The following SUGCT variants were observed in gnomAD, a reference collection of about 807,000 sequenced individuals.
SUGCT encodes the protein succinyl-CoA:glutarate-CoA transferase.
Under a neutral mutation model 55.0 loss-of-function variants are expected in SUGCT, and 41 were observed. That is an observed-to-expected ratio of 0.74 (90% CI 0.58 to 0.97). SUGCT has a LOEUF of 0.97. Among genes scored for constraint, SUGCT ranks in the 50% least tolerant of loss-of-function variants. The pLI, the probability that SUGCT is intolerant of heterozygous loss-of-function variation, is 0.00. For synonymous variants in SUGCT, 187 were observed against 200.4 expected, an observed-to-expected ratio of 0.93 and a Z score of 0.56; for missense variants, 568 against 547.8, an observed-to-expected ratio of 1.04 and a Z score of -0.37.
At position 40,289,014 on chromosome 7, in the gene SUGCT, T is replaced by G. The variant is rs935347311; in HGVS notation, c.720+14358T>G. Among the ~76,000 whole-genome samples the G allele has an allele frequency of 5.9e-5, 9 of 152,208 alleles. No individual in the cohort carries two copies. The East Asian group carries it at 1.7e-3, about 29-fold the overall frequency. ...TCATGTTGAAAGTGAAAAATAATGTTTAACCACTACTATGTCTCTTTCCTC... is the reference window on the plus strand; with the variant it reads ...TCATGTTGAAAGTGAAAAATAATGTGTAACCACTACTATGTCTCTTTCCTC... On this transcript the variant is annotated intron_variant, in intron 8 of 13. Transcript: ENST00000335693.
At chr7:40,216,229 T>TGGTA (rs1202420843) in intron 6 of SUGCT, among the ~76,000 whole-genome samples, 1 of 151,690 alleles carries the variant, frequency 6.6e-6, no homozygotes, top group African/African-American at 2.4e-5. Flanking sequence ...GGGCTGGGCG[T>TGGTA]GGTAGCTCAC....
the SUGCT span, among the ~76,000 whole-genome samples, chr7:40,871,474 C>A: frequency 2.0e-5 from 3 of 152,262 alleles, no homozygotes; most frequent in South Asian, 6.2e-4. Context: ...ATGAGTGACC[C>A]CAGCCAGTGC....
intron 8 of SUGCT, among the ~76,000 whole-genome samples, chr7:40,294,010 C>T (rs1455273590): frequency 6.6e-6 from 1 of 151,906 alleles, no homozygotes; most frequent in Non-Finnish European, 1.5e-5. Flanking sequence ...TGCAGTGGCA[C>T]AATCTTGGTT....
Position 40,249,795 on chromosome 7 carries a change from G to T in SUGCT, c.576+12069G>T, listed in dbSNP as rs563325710. On this transcript the variant is annotated intron_variant, in intron 7 of 13. Coordinates refer to ENST00000335693, the MANE Select transcript of SUGCT (RefSeq NM_001193313.2). ...TATACTTTATTTTAATTGACTTTTT[G>T]TGTGTGTGTGTGACAGAGTCTCACT... is the stretch of plus-strand genomic sequence containing the variant. Among the ~76,000 whole-genome samples, 28 of 151,760 alleles carry T rather than the reference G, an allele frequency of 1.8e-4. No individual in the cohort carries two copies. The East Asian group carries it at 4.1e-3, about 22-fold the overall frequency.
intron 9 of SUGCT, among the ~76,000 whole-genome samples, chr7:40,376,166 G>A (rs1052610676): frequency 1.3e-5 from 2 of 152,112 alleles, no homozygotes. Context: ...GACAGAAAAA[G>A]CTATGAAGGG....
intron 12 of SUGCT, among the ~76,000 whole-genome samples, chr7:40,692,063 G>A (rs1784723903): frequency 6.6e-6 from 1 of 152,126 alleles, no homozygotes; most frequent in Admixed American, 6.5e-5. Flanking sequence ...CTGTTTCGCT[G>A]TATCACCTCT....
chr7:40,901,614 C>T, the SUGCT span, among the ~76,000 whole-genome samples: 1 of 152,122 alleles, frequency 6.6e-6, no homozygotes, highest in Admixed American at 6.6e-5. Context: ...GATCACAGAG[C>T]ACTGTTCAGG....
chr7:40,618,664 T>G (rs1562903980), intron 12 of SUGCT, among the ~76,000 whole-genome samples: 1 of 152,214 alleles, frequency 6.6e-6, no homozygotes, highest in Non-Finnish European at 1.5e-5. Flanking sequence ...ATTTATTATT[T>G]ATTTGTATAG....
intron 11 of SUGCT, among the ~76,000 whole-genome samples, chr7:40,481,012 T>G (rs1423044613): frequency 2.6e-5 from 4 of 152,070 alleles, no homozygotes; most frequent in African/African-American, 9.7e-5. Flanking sequence ...GGCAGCATAA[T>G]CAACATTTTT....
At chr7:40,165,041 A>C (rs1784355765) in intron 1 of SUGCT, among the ~76,000 whole-genome samples, 1 of 152,216 alleles carries the variant, frequency 6.6e-6, no homozygotes, top group Non-Finnish European at 1.5e-5. Context: ...AGGAAACATC[A>C]TGCTAACTAT....
intron 9 of SUGCT, among the ~76,000 whole-genome samples, chr7:40,449,023 A>G (rs528813747): frequency 4.6e-5 from 7 of 151,918 alleles, no homozygotes; most frequent in African/African-American, 1.7e-4. Flanking sequence ...GATGATGGAA[A>G]TATTCCGTCT....
At chr7:40,618,970 G>A (rs1799138900) in intron 12 of SUGCT, among the ~76,000 whole-genome samples, 1 of 152,124 alleles carries the variant, frequency 6.6e-6, no homozygotes. Flanking sequence ...CTCCTAATTA[G>A]AGCCATCCGA....
intron 7 of SUGCT, among the ~76,000 whole-genome samples, chr7:40,244,898 T>C (rs1789714517): frequency 6.6e-6 from 1 of 152,152 alleles, no homozygotes; most frequent in South Asian, 2.1e-4. Context: ...GTCTTTTTCC[T>C]TGAGTGTCTA....
At chr7:40,601,917 G>T (rs777856805) in intron 12 of SUGCT, among the ~76,000 whole-genome samples, 22 of 152,026 alleles carry the variant, frequency 1.4e-4, no homozygotes, top group Non-Finnish European at 2.4e-4. Flanking sequence ...ATCTAAAAAA[G>T]GATTGCCCTT....
At chr7:40,674,121 G>C (rs1471281185) in intron 12 of SUGCT, among the ~76,000 whole-genome samples, 1 of 152,094 alleles carries the variant, frequency 6.6e-6, no homozygotes, top group Non-Finnish European at 1.5e-5. Context: ...TCCATTCTTT[G>C]GTTTTTTCAA....
chr7:40,824,915 A>C (rs537262879), intron 13 of SUGCT, among the ~76,000 whole-genome samples: 1 of 152,348 alleles, frequency 6.6e-6, no homozygotes, highest in African/African-American at 2.4e-5. Context: ...AAATATCAGC[A>C]TGAGTTTTAG....
chr7:40,365,011 C>T (rs914110788), intron 9 of SUGCT, among the ~76,000 whole-genome samples: 2 of 152,064 alleles, frequency 1.3e-5, no homozygotes, highest in African/African-American at 4.8e-5. Flanking sequence ...CAAAAATGCT[C>T]AATAAAATAC....
At chr7:41,036,130 G>C in the SUGCT span, among the ~76,000 whole-genome samples, 1 of 152,182 alleles carries the variant, frequency 6.6e-6, no homozygotes, top group African/African-American at 2.4e-5. Flanking sequence ...GCTTATTATA[G>C]AGGCTCAAAC....
At chr7:40,146,957 T>G (rs1208725899) in intron 1 of SUGCT, among the ~76,000 whole-genome samples, 1 of 152,168 alleles carries the variant, frequency 6.6e-6, no homozygotes, top group Non-Finnish European at 1.5e-5. Context: ...TCCTTCTTTC[T>G]TCCTCTCTTT....
Sources: allele counts gnomAD v4.1 joint callset (sites outside exome capture counted in the v4.1 genomes callset), GRCh38; gene constraint gnomAD v4.1.1; transcripts MANE v1.5; gene names NCBI Gene and HGNC (gene_info 2026-07-23, HGNC 2026-07-21).